The following MAF variants were observed in gnomAD, a reference collection of about 807,000 sequenced individuals.
MAF encodes MAF bZIP transcription factor.
Under a neutral mutation model 22.0 loss-of-function variants are expected in MAF, and 10 were observed. The observed-to-expected ratio is 0.45, with a 90% CI of 0.28 to 0.77. The LOEUF (loss-of-function observed/expected upper bound fraction) is 0.77, where lower values mean the gene tolerates loss of function less well. Ranked by LOEUF, MAF falls within the 30% of genes least tolerant of loss-of-function variation. The probability of loss-of-function intolerance (pLI) is 0.12; values close to 1 mark genes in which losing one functional copy is unlikely to be tolerated. For missense variants in MAF, 544 were observed against 548.4 expected (o/e 0.99, Z 0.08); for synonymous variants, 337 against 255.8 (o/e 1.32, Z -3.03).
chr16:79,484,025 C>A, the MAF span, among the ~76,000 whole-genome samples: 1 of 152,086 alleles, frequency 6.6e-6, no homozygotes, highest in Non-Finnish European at 1.5e-5. Context: ...AGGGATCAGG[C>A]TAGTGATAGC....
the MAF span, among the ~76,000 whole-genome samples, chr16:79,558,132 A>T: frequency 6.6e-6 from 1 of 152,106 alleles, no homozygotes; most frequent in African/African-American, 2.4e-5. Flanking sequence ...TCACAATTGG[A>T]GAGAGTGGGT....
At chr16:79,252,873 T>C in the MAF span, among the ~76,000 whole-genome samples, 1 of 152,110 alleles carries the variant, frequency 6.6e-6, no homozygotes, top group Non-Finnish European at 1.5e-5. Flanking sequence ...AGTTCCCTAA[T>C]TGTGAAAGGG....
the MAF span, among the ~76,000 whole-genome samples, chr16:79,431,893 C>T: frequency 6.6e-6 from 1 of 152,164 alleles, no homozygotes; most frequent in Non-Finnish European, 1.5e-5. Context: ...TGAATTGCCA[C>T]CTTTCCCTCA....
chr16:79,219,692 TC>T, the MAF span, among the ~76,000 whole-genome samples: 1 of 150,794 alleles, frequency 6.6e-6, no homozygotes, highest in African/African-American at 2.4e-5. Flanking sequence ...ACGTCTCCAC[TC>T]CAAGGCCATT....
At chr16:79,393,338 G>A in the MAF span, among the ~76,000 whole-genome samples, 1 of 152,182 alleles carries the variant, frequency 6.6e-6, no homozygotes, top group Non-Finnish European at 1.5e-5. Context: ...TAATTTCCAT[G>A]GTTGGCGAAT....
the MAF span, among the ~76,000 whole-genome samples, chr16:79,458,189 G>T: frequency 6.7e-6 from 1 of 149,208 alleles, no homozygotes; most frequent in African/African-American, 2.4e-5. Flanking sequence ...AAGAGAAAGA[G>T]CTCATGACTT....
chr16:79,594,407 C>G lies in MAF; in HGVS notation c.*53G>C. On this transcript the variant is annotated 3_prime_UTR_variant, in exon 2 of 2. Coordinates refer to ENST00000326043, the MANE Select transcript of MAF (RefSeq NM_005360.5). ...AGGGGTAGGTGGTTCTCCATGACTGCAAATAATAATAATAATGATGATTTT... is the reference window on the plus strand; with the variant it reads ...AGGGGTAGGTGGTTCTCCATGACTGGAAATAATAATAATAATGATGATTTT... 1 of 1,492,992 alleles carries G rather than the reference C, an allele frequency of 6.7e-7. No individual in the cohort carries two copies. Among genetic ancestry groups the G allele is most frequent in the Non-Finnish European group, 9.1e-7 (1 of 1,094,248 alleles). The allele number at this position is 1,492,992 out of a possible 1,614,324, so 92.5% of individuals were successfully genotyped here.
At chr16:79,334,003 G>A in the MAF span, among the ~76,000 whole-genome samples, 81 of 152,222 alleles carry the variant, frequency 5.3e-4, no homozygotes, top group Admixed American at 2.6e-4. Context: ...GCTTTCCCAT[G>A]AGACATCTCA....
the MAF span, among the ~76,000 whole-genome samples, chr16:79,565,027 C>T: frequency 2.5e-4 from 38 of 152,172 alleles, no homozygotes; most frequent in South Asian, 2.3e-3. Flanking sequence ...GGCAAGAGTC[C>T]GGGCCCTGAC....
the MAF span, among the ~76,000 whole-genome samples, chr16:79,458,408 G>C: frequency 6.6e-6 from 1 of 152,086 alleles, no homozygotes; most frequent in Non-Finnish European, 1.5e-5. Flanking sequence ...GTGGCCCTCA[G>C]AGACAGAGTG....
At chr16:79,387,188 A>G in the MAF span, among the ~76,000 whole-genome samples, 2 of 152,172 alleles carry the variant, frequency 1.3e-5, no homozygotes, top group East Asian at 1.9e-4. Context: ...TCTCTTTTCT[A>G]TGCCTTACTG....
At chr16:79,399,646 A>C in the MAF span, among the ~76,000 whole-genome samples, 141 of 152,300 alleles carry the variant, frequency 9.3e-4, 3 homozygotes, top group African/African-American at 3.2e-3. Flanking sequence ...AAGAGGGTAG[A>C]AAGAACCAAT....
At chr16:79,303,135 G>T in the MAF span, among the ~76,000 whole-genome samples, 1 of 152,112 alleles carries the variant, frequency 6.6e-6, no homozygotes, top group African/African-American at 2.4e-5. Context: ...GGGGTGGGAG[G>T]CGTCCCCACT....
the MAF span, among the ~76,000 whole-genome samples, chr16:79,567,554 T>A: frequency 6.6e-6 from 1 of 152,140 alleles, no homozygotes; most frequent in African/African-American, 2.4e-5. Flanking sequence ...AAACTAGTTT[T>A]GTCTGTTTGT....
At position 79,599,344 on chromosome 16, in the gene MAF, G is replaced by T; in HGVS notation, c.559C>A (p.His187Asn). The T allele has an allele frequency of 2.1e-6, 2 of 949,414 alleles. No homozygotes were observed. The highest frequency in any genetic ancestry group is 2.5e-6 in the Non-Finnish European group (2 of 798,252). The allele number at this position is 949,414 out of a possible 1,614,324, so 58.8% of individuals were successfully genotyped here. ...AGPHYHHHHH[H>N]AAGHHHHPTA... ...GGGTGGTGGTGGTGGCCGGCGGCGT[G>T]GTGGTGGTGGTGGTGGTAGTGCGGG... is the stretch of plus-strand genomic sequence containing the variant. The change falls in exon 1 of 2, where the codon CAC (histidine) becomes AAC (asparagine). Residue 187 changes from histidine (H) to asparagine (N), a missense_variant. By Grantham distance (68) the His-to-Asn change is moderately conservative. Transcript: ENST00000326043.
At chr16:79,252,671 G>A in the MAF span, among the ~76,000 whole-genome samples, 1 of 152,026 alleles carries the variant, frequency 6.6e-6, no homozygotes, top group East Asian at 1.9e-4. Context: ...TGTATTTTTA[G>A]TAGAGACAGG....
the MAF span, among the ~76,000 whole-genome samples, chr16:79,409,075 G>C: frequency 6.6e-6 from 1 of 151,960 alleles, no homozygotes; most frequent in South Asian, 2.1e-4. Context: ...ACAGCACCTG[G>C]AGTTGTGTAG....
chr16:79,492,663 G>C, the MAF span, among the ~76,000 whole-genome samples: 1 of 151,822 alleles, frequency 6.6e-6, no homozygotes, highest in Admixed American at 6.6e-5. Context: ...GTAAATTGTA[G>C]TCTACTCACA....
At chr16:79,559,173 A>G in the MAF span, among the ~76,000 whole-genome samples, 1 of 152,176 alleles carries the variant, frequency 6.6e-6, no homozygotes, top group East Asian at 1.9e-4. Context: ...ACCGGCTTGC[A>G]CCATCAAGAA....
Sources: allele counts gnomAD v4.1 joint callset (sites outside exome capture counted in the v4.1 genomes callset), GRCh38; gene constraint gnomAD v4.1.1; transcripts MANE v1.5; gene names NCBI Gene and HGNC (gene_info 2026-07-23, HGNC 2026-07-21).